The following RBFOX1 variants were observed in gnomAD, a reference collection of about 807,000 sequenced individuals.
The protein encoded by RBFOX1 is RNA binding protein fox-1 homolog 1.
In RBFOX1, 8 loss-of-function variants were observed where a neutral mutation model predicts 57.7. That is an observed-to-expected ratio of 0.14 (90% confidence interval 0.08 to 0.25). The LOEUF (loss-of-function observed/expected upper bound fraction) is 0.25, where lower values mean the gene tolerates loss of function less well. Ranked by LOEUF, RBFOX1 falls within the 10% of genes least tolerant of loss-of-function variation. RBFOX1 has a pLI of 1.00. For synonymous variants in RBFOX1, 326 were observed against 222.4 expected, an observed-to-expected ratio of 1.47 and a Z score of -4.15; for missense variants, 611 against 548.5, an observed-to-expected ratio of 1.11 and a Z score of -1.14.
chr16:5,945,266 C>T (rs1417812777), intron 4 of RBFOX1, among the ~76,000 whole-genome samples: 1 of 152,134 alleles, frequency 6.6e-6, no homozygotes, highest in Non-Finnish European at 1.5e-5. Flanking sequence ...TTTTAGCTAG[C>T]AGACACGAGG....
chr16:6,429,043 G>A (rs913539513), intron 2 of RBFOX1, among the ~76,000 whole-genome samples: 1 of 152,222 alleles, frequency 6.6e-6, no homozygotes, highest in Non-Finnish European at 1.5e-5. Context: ...TTTCCTGGAA[G>A]AGGAGAAGGT....
intron 1 of RBFOX1, among the ~76,000 whole-genome samples, chr16:6,119,252 T>A (rs2152625342): frequency 6.6e-6 from 1 of 152,204 alleles, no homozygotes; most frequent in South Asian, 2.1e-4. Context: ...AATTTTAGAA[T>A]TTTTAAGGGG....
chr16:6,805,632 C>T (rs113641377), intron 3 of RBFOX1, among the ~76,000 whole-genome samples: 66 of 150,640 alleles, frequency 4.4e-4, no homozygotes, highest in African/African-American at 1.5e-3. Flanking sequence ...GGTATCTCTT[C>T]GAGGATGTTT....
intron 3 of RBFOX1, among the ~76,000 whole-genome samples, chr16:6,938,023 A>C (rs1376018048): frequency 6.6e-6 from 1 of 151,640 alleles, no homozygotes; most frequent in East Asian, 1.9e-4. Flanking sequence ...TGGTTTACGC[A>C]AGTCTGTAGA....
chr16:6,999,581 C>T (rs914078298), intron 3 of RBFOX1, among the ~76,000 whole-genome samples: 5 of 151,970 alleles, frequency 3.3e-5, no homozygotes, highest in African/African-American at 1.2e-4. Flanking sequence ...CCCTCATATG[C>T]TTTACAGCAG....
At chr16:7,303,414 G>T (rs978984914) in intron 4 of RBFOX1, among the ~76,000 whole-genome samples, 14 of 152,168 alleles carry the variant, frequency 9.2e-5, no homozygotes, top group Admixed American at 9.2e-4. Context: ...CAAACGCACC[G>T]CCACCAACAT....
At chr16:6,682,078 A>G (rs1217684709) in intron 3 of RBFOX1, among the ~76,000 whole-genome samples, 1 of 152,240 alleles carries the variant, frequency 6.6e-6, no homozygotes, top group African/African-American at 2.4e-5. Flanking sequence ...TTTGCCCAAT[A>G]GAACAAAATG....
intron 4 of RBFOX1, among the ~76,000 whole-genome samples, chr16:7,416,126 C>T (rs1489800416): frequency 3.3e-5 from 5 of 152,156 alleles, no homozygotes; most frequent in African/African-American, 9.7e-5. Context: ...ATTTTGTATT[C>T]CATGGAGCTG....
At chr16:6,202,062 T>A (rs890230830) in intron 1 of RBFOX1, among the ~76,000 whole-genome samples, 1 of 152,078 alleles carries the variant, frequency 6.6e-6, no homozygotes, top group Admixed American at 6.6e-5. Flanking sequence ...CCAACTGCAT[T>A]AAAAACAAAA....
intron 2 of RBFOX1, among the ~76,000 whole-genome samples, chr16:5,509,864 G>T (rs1010551860): frequency 1.8e-4 from 27 of 152,194 alleles, no homozygotes; most frequent in African/African-American, 5.8e-4. Flanking sequence ...GTCCCAGATG[G>T]TGCCCAAGAA....
chr16:5,469,192 C>T (rs1189337156), intron 2 of RBFOX1, among the ~76,000 whole-genome samples: 2 of 152,174 alleles, frequency 1.3e-5, no homozygotes, highest in African/African-American at 4.8e-5. Flanking sequence ...CAGCTGCCTT[C>T]AGGCATTTTG....
At chr16:5,811,784 A>G (rs2055441410) in intron 3 of RBFOX1, among the ~76,000 whole-genome samples, 3 of 152,182 alleles carry the variant, frequency 2.0e-5, no homozygotes, top group African/African-American at 7.2e-5. Flanking sequence ...TTGAGATGTA[A>G]TTGACGTGCT....
chr16:5,834,621 G>GATAA (rs1341132441), intron 3 of RBFOX1, among the ~76,000 whole-genome samples: 3 of 151,964 alleles, frequency 2.0e-5, no homozygotes, highest in East Asian at 1.9e-4. Flanking sequence ...TAGATAGATA[G>GATAA]ATTGACTGAT....
At chr16:7,078,498 C>A (rs2058649215) in intron 4 of RBFOX1, among the ~76,000 whole-genome samples, 2 of 151,862 alleles carry the variant, frequency 1.3e-5, no homozygotes, top group African/African-American at 2.4e-5. Context: ...TAGGTGCCTG[C>A]CATCACGCCT....
chr16:7,387,566 G>A (rs1359302828), intron 4 of RBFOX1, among the ~76,000 whole-genome samples: 2 of 152,182 alleles, frequency 1.3e-5, no homozygotes, highest in African/African-American at 4.8e-5. Flanking sequence ...CTCAAACTGT[G>A]AAATAAATCC....
intron 1 of RBFOX1, among the ~76,000 whole-genome samples, chr16:5,300,317 A>G (rs966924655): frequency 6.6e-6 from 1 of 152,142 alleles, no homozygotes. Flanking sequence ...TCATCTCAGG[A>G]CACAAGGGCA....
At position 7,299,132 on chromosome 16, in the gene RBFOX1, A is replaced by C. The variant is rs115503733; in HGVS notation, c.28-219015A>C. ...GCACCAAAATATTAATATCATCTCC[A>C]GGACTGTACCAGTTTTGACTCCCAC... is the stretch of plus-strand genomic sequence containing the variant. On this transcript the variant is annotated intron_variant, in intron 4 of 15. Transcript: ENST00000550418. Among the ~76,000 whole-genome samples the C allele has an allele frequency of 4.5e-3, 680 of 152,330 alleles. 2 individuals are homozygous for C. The highest frequency in any genetic ancestry group is 0.016 in the African/African-American group (645 of 41,578).
intron 4 of RBFOX1, among the ~76,000 whole-genome samples, chr16:7,059,613 TAGA>T (rs759189313): frequency 6.6e-6 from 1 of 152,190 alleles, no homozygotes; most frequent in Non-Finnish European, 1.5e-5. Context: ...AGGGTATGAA[TAGA>T]AGAAGCTTAC....
chr16:5,933,432 C>T (rs978686175), intron 4 of RBFOX1, among the ~76,000 whole-genome samples: 2 of 152,158 alleles, frequency 1.3e-5, no homozygotes, highest in African/African-American at 2.4e-5. Flanking sequence ...GACATGTCAG[C>T]CTGATCCTTG....
Sources: allele counts gnomAD v4.1 joint callset (sites outside exome capture counted in the v4.1 genomes callset), GRCh38; gene constraint gnomAD v4.1.1; transcripts MANE v1.5; gene names NCBI Gene and HGNC (gene_info 2026-07-23, HGNC 2026-07-21).